Variants in CDH18 observed in about 807,000 individuals in gnomAD.
CDH18 encodes the protein cadherin 18.
Under a neutral mutation model 67.9 loss-of-function variants are expected in CDH18, and 31 were observed. That is an observed-to-expected ratio of 0.46 (90% CI 0.34 to 0.62). CDH18 has a LOEUF of 0.62. CDH18 is among the 20% of genes least tolerant of loss of function. The probability of loss-of-function intolerance (pLI) is 0.01; values close to 1 mark genes in which losing one functional copy is unlikely to be tolerated. For synonymous variants in CDH18, 362 were observed against 347.2 expected (o/e 1.04, Z -0.48); for missense variants, 890 against 975.5 (o/e 0.91, Z 1.17).
intron 5 of CDH18, among the ~76,000 whole-genome samples, chr5:19,638,965 T>A (rs1363705142): frequency 7.0e-6 from 1 of 142,506 alleles, no homozygotes; most frequent in South Asian, 2.2e-4. Flanking sequence ...CGCTGGGAAG[T>A]TTTTTGTTGC....
In CDH18 at chr5:19,811,119, A is replaced by G. The variant is rs547505799; in HGVS notation, c.228+27640T>C. On this transcript the variant is annotated intron_variant, in intron 3 of 12. Coordinates refer to ENST00000382275, the MANE Select transcript of CDH18 (RefSeq NM_004934.5). ...GAAAGAAAGAAAGAAAGAAAGAAAG[A>G]AAGAAAGAAAGAAAGAAAGAAAGAA... 2.5e-4 allele frequency among the ~76,000 whole-genome samples: 29 copies of G among 115,710 alleles called. 2 individuals carry two copies. In the South Asian group the frequency reaches 8.1e-3, roughly 32 times the overall value. The allele number at this position is 115,710 out of a possible 152,430, so 75.9% of individuals were successfully genotyped here.
Position 19,820,326 on chromosome 5 carries a change from A to T in CDH18, c.228+18433T>A, listed in dbSNP as rs116355515. Among the ~76,000 whole-genome samples the T allele has an allele frequency of 8.1e-3, 1,227 of 152,264 alleles. 8 individuals are homozygous for T. The highest frequency in any genetic ancestry group is 0.013 in the Non-Finnish European group (869 of 68,008). ...GTTTGGCACAAAACTAGCTGTTCAG[A>T]CCTGCTCCTGGAGTAGACAACAGAG... On this transcript the variant is annotated intron_variant, in intron 3 of 12. Transcript: ENST00000382275.
chr5:20,570,317 A>C (rs1323388273), intron 1 of CDH18, among the ~76,000 whole-genome samples: 7 of 152,112 alleles, frequency 4.6e-5, no homozygotes, highest in Non-Finnish European at 7.4e-5. Context: ...CATTTTTTGT[A>C]AAGCTGAAAC....
chr5:20,549,896 A>T (rs1561121116), intron 1 of CDH18, among the ~76,000 whole-genome samples: 1 of 152,188 alleles, frequency 6.6e-6, no homozygotes, highest in Non-Finnish European at 1.5e-5. Context: ...AGTAGTTTAT[A>T]AAAAATTGTT....
chr5:19,956,724 C>T (rs1348151621), intron 2 of CDH18, among the ~76,000 whole-genome samples: 3 of 151,700 alleles, frequency 2.0e-5, no homozygotes, highest in Non-Finnish European at 1.5e-5. Flanking sequence ...ATATATTTTA[C>T]TTCTTAAAGT....
chr5:19,932,150 A>AT (rs1168425688), intron 2 of CDH18, among the ~76,000 whole-genome samples: 1 of 151,834 alleles, frequency 6.6e-6, no homozygotes, highest in African/African-American at 2.4e-5. Flanking sequence ...GGCATATGGG[A>AT]TATCTTATAG....
At chr5:19,774,808 CAAAAAAAAAAAAAAAAAAAA>C (rs59248561) in intron 3 of CDH18, among the ~76,000 whole-genome samples, 27 of 35,416 alleles carry the variant, frequency 7.6e-4, no homozygotes, top group East Asian at 2.0e-3. Flanking sequence ...GACTCTGTCT[CAAAAAAAAAAAAAAAAAAAA>C]AAAAAAAAAA....
At chr5:19,816,608 TAAATC>T (rs1489254968) in intron 3 of CDH18, among the ~76,000 whole-genome samples, 3 of 151,800 alleles carry the variant, frequency 2.0e-5, no homozygotes, top group African/African-American at 7.2e-5. Flanking sequence ...ATATGAAACA[TAAATC>T]CAATCTAGTC....
intron 2 of CDH18, among the ~76,000 whole-genome samples, chr5:19,866,341 C>A (rs1785489570): frequency 6.6e-6 from 1 of 152,144 alleles, no homozygotes. Flanking sequence ...ACTCAGCAGG[C>A]TTTTAGTGAC....
intron 2 of CDH18, among the ~76,000 whole-genome samples, chr5:19,901,959 CTAAA>C (rs1460339526): frequency 6.6e-6 from 1 of 151,878 alleles, no homozygotes; most frequent in African/African-American, 2.4e-5. Flanking sequence ...TCATGATACT[CTAAA>C]TAAATGTTTA....
At chr5:19,961,258 A>C (rs1796873347) in intron 2 of CDH18, among the ~76,000 whole-genome samples, 1 of 151,508 alleles carries the variant, frequency 6.6e-6, no homozygotes, top group Non-Finnish European at 1.5e-5. Context: ...GCACACCACA[A>C]CACCAGCACG....
At chr5:19,823,106 T>C (rs1489770979) in intron 3 of CDH18, among the ~76,000 whole-genome samples, 1 of 152,210 alleles carries the variant, frequency 6.6e-6, no homozygotes, top group Non-Finnish European at 1.5e-5. Flanking sequence ...TTTAAGGTTA[T>C]CTGTCTTGTT....
intron 11 of CDH18, among the ~76,000 whole-genome samples, chr5:19,485,507 G>A (rs570149355): frequency 1.3e-5 from 2 of 152,108 alleles, no homozygotes; most frequent in African/African-American, 2.4e-5. Context: ...CACCCGCCTC[G>A]GCCTCCCAAA....
chr5:20,341,718 T>C (rs1412771001), intron 1 of CDH18, among the ~76,000 whole-genome samples: 1 of 151,992 alleles, frequency 6.6e-6, no homozygotes, highest in Admixed American at 6.6e-5. Flanking sequence ...TTTCTGAAGT[T>C]GGCTGCTTAA....
chr5:19,727,796 T>G (rs558518109), intron 4 of CDH18, among the ~76,000 whole-genome samples: 1 of 152,324 alleles, frequency 6.6e-6, no homozygotes, highest in East Asian at 1.9e-4. Context: ...TAAAAAGTTA[T>G]TGTTACAAGT....
chr5:20,094,441 T>C (rs1318626148), intron 2 of CDH18, among the ~76,000 whole-genome samples: 11 of 152,340 alleles, frequency 7.2e-5, no homozygotes, highest in Non-Finnish European at 1.5e-5. Context: ...GTCTTGGCTA[T>C]ACAAGCTCTT....
At chr5:20,463,234 C>T (rs1430679300) in intron 1 of CDH18, among the ~76,000 whole-genome samples, 1 of 150,614 alleles carries the variant, frequency 6.6e-6, no homozygotes, top group East Asian at 2.0e-4. Context: ...GGTTTGTGTG[C>T]TTTTGTGATG....
chr5:19,837,315 G>A (rs1349401553), intron 3 of CDH18, among the ~76,000 whole-genome samples: 1 of 151,968 alleles, frequency 6.6e-6, no homozygotes, highest in Non-Finnish European at 1.5e-5. Flanking sequence ...GTAGATGACG[G>A]GTTGATGGGT....
rs528791501 is a variant in CDH18, at chr5:19,686,904, C to T, written c.643+34443G>A. Among the ~76,000 whole-genome samples, 13 of 152,104 alleles carry T rather than the reference C, an allele frequency of 8.5e-5. No individual in the cohort carries two copies. The South Asian group carries it at 1.0e-3, about 12-fold the overall frequency. ...GTTGGAATTTAATAACATTACAACACGGGAATAGTTTCAAAATGGCTGACT... is the reference window on the plus strand; with the variant it reads ...GTTGGAATTTAATAACATTACAACATGGGAATAGTTTCAAAATGGCTGACT... On this transcript the variant is annotated intron_variant, in intron 5 of 12. Transcript: ENST00000382275.
Sources: gnomAD v4.1 joint callset for allele counts (sites outside exome capture counted in the v4.1 genomes callset) on GRCh38, gnomAD v4.1.1 for gene constraint, MANE v1.5 for transcripts, NCBI Gene and HGNC (gene_info 2026-07-23, HGNC 2026-07-21) for gene names.